GABRB1: variants seen among roughly 807,000 people sequenced by gnomAD.
GABRB1 encodes gamma-aminobutyric acid receptor subunit beta-1.
Under a neutral mutation model 51.6 loss-of-function variants are expected in GABRB1, and 17 were observed. The ratio of observed to expected loss-of-function variants is 0.33; its 90% CI spans 0.23 to 0.49. The LOEUF (loss-of-function observed/expected upper bound fraction) is 0.49. Among genes scored for constraint, GABRB1 ranks in the 20% least tolerant of loss-of-function variants. The probability of loss-of-function intolerance (pLI) is 0.99; values close to 1 mark genes in which losing one functional copy is unlikely to be tolerated. For missense variants in GABRB1, 410 were observed against 600.6 expected (o/e 0.68, Z 3.32); for synonymous variants, 247 against 218.9 (o/e 1.13, Z -1.14).
intron 4 of GABRB1, among the ~76,000 whole-genome samples, chr4:47,237,092 T>A (rs2109843208): frequency 6.6e-6 from 1 of 152,150 alleles, no homozygotes; most frequent in South Asian, 2.1e-4. Flanking sequence ...AATATTTGAA[T>A]TTTTATATAA....
chr4:47,176,786 C>T (rs185044017), intron 4 of GABRB1, among the ~76,000 whole-genome samples: 15 of 152,160 alleles, frequency 9.9e-5, no homozygotes, highest in African/African-American at 3.4e-4. Flanking sequence ...AGCCTTGGAC[C>T]ATTCATTCTT....
intron 4 of GABRB1, among the ~76,000 whole-genome samples, chr4:47,312,854 G>T (rs977737998): frequency 2.0e-5 from 3 of 152,116 alleles, no homozygotes; most frequent in Non-Finnish European, 4.4e-5. Flanking sequence ...GTGCACACGT[G>T]TGTATTTGTG....
intron 5 of GABRB1, among the ~76,000 whole-genome samples, chr4:47,379,699 T>C (rs1362393863): frequency 6.6e-6 from 1 of 152,206 alleles, no homozygotes; most frequent in Non-Finnish European, 1.5e-5. Flanking sequence ...GTCAAATATA[T>C]CAGCACTTTC....
upstream of GABRB1, among the ~76,000 whole-genome samples, chr4:47,029,037 T>C (rs1193573989): frequency 2.6e-5 from 4 of 151,786 alleles, no homozygotes; most frequent in Non-Finnish European, 5.9e-5. Flanking sequence ...TAGAAGCATG[T>C]AGACATTCAA....
At chr4:47,355,539 C>CA (rs1425542640) in intron 5 of GABRB1, among the ~76,000 whole-genome samples, 2 of 151,992 alleles carry the variant, frequency 1.3e-5, no homozygotes, top group Non-Finnish European at 1.5e-5. Context: ...TTTGCAGTGA[C>CA]AAAAAACAGA....
chr4:47,002,040 GT>G (rs1363872655), intron 1 of GABRB1, among the ~76,000 whole-genome samples: 1 of 152,162 alleles, frequency 6.6e-6, no homozygotes, highest in East Asian at 1.9e-4. Flanking sequence ...CATTATAAAT[GT>G]TAAACTTTCA....
chr4:47,125,386 C>T (rs1372490), intron 3 of GABRB1, among the ~76,000 whole-genome samples: 70,994 of 150,916 alleles, frequency 0.47, 16,985 homozygotes, highest in Middle Eastern at 0.53. Context: ...TGAAAACATA[C>T]GAAAATATAA....
chr4:47,268,848 C>G (rs1024538437), intron 4 of GABRB1, among the ~76,000 whole-genome samples: 26 of 152,120 alleles, frequency 1.7e-4, no homozygotes, highest in Non-Finnish European at 2.9e-4. Flanking sequence ...GGAGGATACA[C>G]TTTGCACTGT....
intron 1 of GABRB1, among the ~76,000 whole-genome samples, chr4:47,005,992 T>G (rs1392312468): frequency 6.6e-6 from 1 of 151,260 alleles, no homozygotes; most frequent in East Asian, 2.0e-4. Context: ...GAGGCTTTTG[T>G]TATTCTTTTT....
rs1476319173 is a variant in GABRB1 at position 47,007,866 on chromosome 4, G to GTGTATATATATATATA, written c.-20+13941_-20+13942insGTATATATATATATAT. 1.4e-4 allele frequency among the ~76,000 whole-genome samples: 7 copies of GTGTATATATATATATA among 49,972 alleles called. 1 individual carries two copies. The highest frequency in any genetic ancestry group is 4.2e-4 in the Admixed American group (2 of 4,806). The allele number at this position is 49,972 out of a possible 152,430, so 32.8% of individuals were successfully genotyped here. A position where few individuals can be genotyped will look rare whatever the true frequency, so the allele number is the denominator to read the frequency against. On this transcript the variant is annotated intron_variant, in intron 1 of 3. Transcript: ENST00000513567. ...TTAAAGGACGTATACCTTGGAACTG[G>GTGTATATATATATATA]TATATATATATATATATATATATAT...
chr4:47,142,338 T>A (rs566536468), intron 3 of GABRB1, among the ~76,000 whole-genome samples: 6 of 152,054 alleles, frequency 3.9e-5, no homozygotes, highest in East Asian at 1.9e-4. Context: ...TCTAAGAGAA[T>A]GCTTATGAAG....
chr4:47,303,761 T>C (rs1724349171), intron 4 of GABRB1, among the ~76,000 whole-genome samples: 1 of 152,018 alleles, frequency 6.6e-6, no homozygotes, highest in Admixed American at 6.6e-5. Flanking sequence ...TCTACTCTTT[T>C]AGCAATTTTC....
chr4:47,000,679 G>A (rs879624415), intron 1 of GABRB1, among the ~76,000 whole-genome samples: 1 of 152,190 alleles, frequency 6.6e-6, no homozygotes, highest in East Asian at 1.9e-4. Context: ...TAGACAGGGG[G>A]AATTGGCTGG....
intron 4 of GABRB1, among the ~76,000 whole-genome samples, chr4:47,178,491 T>C (rs953239545): frequency 6.6e-6 from 1 of 152,104 alleles, no homozygotes; most frequent in African/African-American, 2.4e-5. Context: ...CTTTTGTCAT[T>C]GGATTAGTGG....
In GABRB1 at chr4:47,194,274, G is replaced by A. The variant is rs373960193; in HGVS notation, c.461+32805G>A. Among the ~76,000 whole-genome samples the A allele has an allele frequency of 2.0e-4, 30 of 152,216 alleles. No individual in the cohort carries two copies. In the East Asian group the frequency reaches 2.9e-3, roughly 15 times the overall value. On this transcript the variant is annotated intron_variant, in intron 4 of 8. Transcript: ENST00000295454. ...GAGACACATATTCCAAATTTGGAAC[G>A]TGTTTCTTTAGTGAGCTTAAGAACT...
chr4:47,125,333 A>T (rs1389818469), intron 3 of GABRB1, among the ~76,000 whole-genome samples: 1 of 152,118 alleles, frequency 6.6e-6, no homozygotes, highest in Non-Finnish European at 1.5e-5. Context: ...CTTCATATTG[A>T]AATGAAATGA....
chr4:47,294,329 G>A (rs1199724963), intron 4 of GABRB1, among the ~76,000 whole-genome samples: 1 of 152,190 alleles, frequency 6.6e-6, no homozygotes, highest in Non-Finnish European at 1.5e-5. Context: ...AAGCACAAGG[G>A]GTCAGGGAGT....
intron 3 of GABRB1, among the ~76,000 whole-genome samples, chr4:47,131,994 CAGAA>C (rs1716437160): frequency 6.6e-6 from 1 of 151,936 alleles, no homozygotes; most frequent in Non-Finnish European, 1.5e-5. Context: ...ACTACTGCCT[CAGAA>C]AGAAAGGTAG....
At chr4:47,123,318 T>A (rs976793249) in intron 3 of GABRB1, among the ~76,000 whole-genome samples, 1 of 136,466 alleles carries the variant, frequency 7.3e-6, no homozygotes, top group Non-Finnish European at 1.5e-5. Context: ...TATATAATAT[T>A]ATATATATTA....
Sources: gnomAD v4.1 joint callset for allele counts (sites outside exome capture counted in the v4.1 genomes callset) on GRCh38, gnomAD v4.1.1 for gene constraint, MANE v1.5 for transcripts, NCBI Gene and HGNC (gene_info 2026-07-23, HGNC 2026-07-21) for gene names.